Variants in HDAC4 observed in about 807,000 individuals in gnomAD.
HDAC4 encodes the protein histone deacetylase 4, also known as histone deacetylase A.
A neutral mutation model predicts 135.1 loss-of-function variants in HDAC4; 16 were observed. The ratio of observed to expected loss-of-function variants is 0.12; its 90% CI spans 0.08 to 0.18. HDAC4 has a LOEUF of 0.18. Among genes scored for constraint, HDAC4 ranks in the 10% least tolerant of loss-of-function variants. The probability of loss-of-function intolerance (pLI) is 1.00; values close to 1 mark genes in which losing one functional copy is unlikely to be tolerated. For missense variants in HDAC4, 1,143 were observed against 1,511.8 expected (o/e 0.76, Z 4.05); for synonymous variants, 685 against 653.4 (o/e 1.05, Z -0.74).
intron 23 of HDAC4, among the ~76,000 whole-genome samples, chr2:239,067,503 C>T (rs77105244): frequency 0.012 from 1,754 of 152,384 alleles, 9 homozygotes; most frequent in African/African-American, 0.02. Context: ...TTCATCCCAT[C>T]TGATGGAAAC....
At chr2:239,083,559 T>C (rs2035564161) in intron 20 of HDAC4, among the ~76,000 whole-genome samples, 1 of 152,224 alleles carries the variant, frequency 6.6e-6, no homozygotes, top group South Asian at 2.1e-4. Context: ...ACTAAATATG[T>C]ATATATCTGG....
intron 12 of HDAC4, among the ~76,000 whole-genome samples, chr2:239,124,373 G>A (rs555886491): frequency 6.6e-6 from 1 of 152,336 alleles, no homozygotes; most frequent in South Asian, 2.1e-4. Context: ...GTCTGTTGGG[G>A]ACGTTTTATG....
chr2:239,186,512 G>A (rs144380484), intron 4 of HDAC4: 24 of 152,344 alleles, frequency 1.6e-4, no homozygotes, highest in African/African-American at 5.8e-4. Flanking sequence ...AATGCAAAGA[G>A]AAAGGCAACC....
rs1478733460 is a variant in HDAC4 at position 239,306,794 on chromosome 2, C to T, written c.22+45884G>A. Among the ~76,000 whole-genome samples the T allele has an allele frequency of 1.3e-5, 2 of 152,114 alleles. No homozygotes were observed. The highest frequency in any genetic ancestry group is 2.1e-4 in the South Asian group (1 of 4,828). On this transcript the variant is annotated intron_variant, in intron 2 of 26. Coordinates refer to ENST00000543185, the MANE Select transcript of HDAC4 (RefSeq NM_001378414.1). The surrounding 1 kb of genome is among the most constrained non-coding windows in gnomAD (Gnocchi z 4.5). ...GCAGGACCCCACCCCAGCCAACAAC[C>T]GGGAGACCCTGGCCTGGTTTCCCAC...
At chr2:239,085,245 A>G (rs1010485831) in intron 19 of HDAC4, among the ~76,000 whole-genome samples, 1 of 152,048 alleles carries the variant, frequency 6.6e-6, no homozygotes, top group Non-Finnish European at 1.5e-5. Context: ...CCTATATTCC[A>G]ATACATAAAT....
chr2:239,312,355 C>G (rs1383708570), intron 2 of HDAC4, among the ~76,000 whole-genome samples: 2 of 152,202 alleles, frequency 1.3e-5, no homozygotes, highest in African/African-American at 4.8e-5. Flanking sequence ...AAGAGGCCTG[C>G]TGCCCACCCC....
intron 17 of HDAC4, among the ~76,000 whole-genome samples, chr2:239,093,422 G>T (rs1559412387): frequency 1.3e-5 from 2 of 152,194 alleles, no homozygotes; most frequent in Non-Finnish European, 2.9e-5. Flanking sequence ...CCTGGCTCTG[G>T]AGGAGACATG....
intron 4 of HDAC4, among the ~76,000 whole-genome samples, chr2:239,183,913 TC>T (rs5839728): frequency 0.49 from 73,517 of 151,376 alleles, 19,228 homozygotes; most frequent in South Asian, 0.69. Context: ...AAAACTAGGT[TC>T]CTTTCCGTGT....
Position 239,081,101 on chromosome 2 carries a change from G to C in HDAC4, c.2744C>G (p.Ala915Gly), listed in dbSNP as rs1166741606. ...GTGAAGCCGGGAGGCTCACCTGAAG[G>C]CCGCCAAGTACTCAGCGTCTCCCAT... ...PPMGDAEYLA[A>G]FRTVVMPIAS... The change falls in exon 22 of 27, where the codon GCC becomes GGC. Residue 915 changes from alanine (A) to glycine (G), a missense_variant. By Grantham distance (60) the Ala-to-Gly change is moderately conservative (BLOSUM62 0). Around this residue, in one of 9 missense-constraint regions of HDAC4, gnomAD observed 189 missense variants for 317.6 expected, o/e 0.60. Transcript: ENST00000543185. 1 of 1,613,232 alleles carries C rather than the reference G, an allele frequency of 6.2e-7. No individual in the cohort carries two copies. Among genetic ancestry groups the C allele is most frequent in the Non-Finnish European group, 8.5e-7 (1 of 1,179,504 alleles).
At chr2:239,249,012 G>T (rs2048626815) in intron 2 of HDAC4, among the ~76,000 whole-genome samples, 1 of 152,256 alleles carries the variant, frequency 6.6e-6, no homozygotes, top group Non-Finnish European at 1.5e-5. Flanking sequence ...GACCGTGTGG[G>T]ATCACGTGCT....
chr2:239,166,274 G>A (rs1297715872), intron 5 of HDAC4, among the ~76,000 whole-genome samples: 1 of 152,142 alleles, frequency 6.6e-6, no homozygotes, highest in African/African-American at 2.4e-5. Flanking sequence ...GCCAAGCCAG[G>A]GAAACACAAA....
intron 22 of HDAC4, among the ~76,000 whole-genome samples, chr2:239,078,061 C>T (rs866935692): frequency 1.8e-4 from 28 of 152,170 alleles, no homozygotes; most frequent in Non-Finnish European, 3.2e-4. Flanking sequence ...GGCGCTCATC[C>T]CTGACGGAAG....
chr2:239,156,848 C>T (rs1263586898), intron 6 of HDAC4, 75 bp from the exon 7 acceptor site: 36 of 1,573,774 alleles, frequency 2.3e-5, no homozygotes, highest in Admixed American at 3.4e-5. Flanking sequence ...CGAGAAGCCA[C>T]ACACGATGAT....
At chr2:239,158,731 C>A (rs999068944) in intron 6 of HDAC4, among the ~76,000 whole-genome samples, 1 of 152,050 alleles carries the variant, frequency 6.6e-6, no homozygotes, top group Non-Finnish European at 1.5e-5. Context: ...CGCGCACCCG[C>A]CCTCCAGACA....
intron 2 of HDAC4, among the ~76,000 whole-genome samples, chr2:239,332,354 T>C (rs796550358): frequency 2.0e-5 from 3 of 152,198 alleles, no homozygotes; most frequent in South Asian, 4.1e-4. Context: ...TAAAGCAAAA[T>C]TCAAAGAATT....
chr2:239,319,989 C>A (rs1451049789), intron 2 of HDAC4, among the ~76,000 whole-genome samples: 1 of 151,878 alleles, frequency 6.6e-6, no homozygotes, highest in East Asian at 1.9e-4. Flanking sequence ...TATTGTATTG[C>A]TTTAAATGAT....
chr2:239,087,779 G>C (rs2036121875), intron 18 of HDAC4, among the ~76,000 whole-genome samples, 165 bp from the exon 19 acceptor site: 1 of 152,194 alleles, frequency 6.6e-6, no homozygotes, highest in Non-Finnish European at 1.5e-5. Context: ...GGGCCAGCTG[G>C]GAGCCTTTCC....
At chr2:239,340,407 C>A (rs945438031) in intron 2 of HDAC4, among the ~76,000 whole-genome samples, 1 of 152,182 alleles carries the variant, frequency 6.6e-6, no homozygotes, top group Non-Finnish European at 1.5e-5. Flanking sequence ...GTGGGGGCAG[C>A]CCCACTGAGC....
At chr2:239,342,597 T>G (rs770451957) in intron 2 of HDAC4, among the ~76,000 whole-genome samples, 1 of 152,240 alleles carries the variant, frequency 6.6e-6, no homozygotes, top group Admixed American at 6.5e-5. Context: ...ACAGTCATCC[T>G]GAACACTGTG....
Sources: gnomAD v4.1 joint callset for allele counts (sites outside exome capture counted in the v4.1 genomes callset) on GRCh38, gnomAD v4.1.1 for gene constraint, gnomAD v4.1.1 regional missense constraint, Gnocchi (gnomAD v3.1) non-coding constraint, MANE v1.5 for transcripts, NCBI Gene and HGNC (gene_info 2026-07-23, HGNC 2026-07-21) for gene names.